The following NRG3 variants were observed in gnomAD, a reference collection of about 807,000 sequenced individuals.
The protein encoded by NRG3 is neuregulin 3.
A neutral mutation model predicts 66.9 loss-of-function variants in NRG3; 31 were observed. The ratio of observed to expected loss-of-function variants is 0.46; its 90% CI spans 0.35 to 0.63. NRG3 has a LOEUF of 0.63. Ranked by LOEUF, NRG3 falls within the 20% of genes least tolerant of loss-of-function variation. NRG3 has a pLI of 0.00. For synonymous variants in NRG3, 393 were observed against 359.4 expected (o/e 1.09, Z -1.06); for missense variants, 910 against 878.9 (o/e 1.04, Z -0.45).
At chr10:82,027,337 G>A (rs79855158) in intron 1 of NRG3, among the ~76,000 whole-genome samples, 272 of 152,182 alleles carry the variant, frequency 1.8e-3, no homozygotes, top group African/African-American at 6.5e-3. Flanking sequence ...GGTGGTAAGT[G>A]AAGCCATCCT....
intron 1 of NRG3, among the ~76,000 whole-genome samples, chr10:82,127,383 A>T (rs2068514913): frequency 6.6e-6 from 1 of 152,024 alleles, no homozygotes; most frequent in Non-Finnish European, 1.5e-5. Flanking sequence ...GCGTTTTAGA[A>T]CGTGGCAAAA....
At chr10:82,865,089 G>A (rs2135945671) in intron 3 of NRG3, among the ~76,000 whole-genome samples, 1 of 152,278 alleles carries the variant, frequency 6.6e-6, no homozygotes, top group Admixed American at 6.5e-5. Flanking sequence ...ATTAGTGCCA[G>A]ATGTTCATGG....
rs140082910 is a variant in NRG3, at chr10:82,666,650, G to A, written c.954-71927G>A. On this transcript the variant is annotated intron_variant, in intron 2 of 8. Coordinates refer to ENST00000372141, the MANE Select transcript of NRG3 (RefSeq NM_001010848.4). ...GAATAATTTCCATTTTGACATTGCC[G>A]TATGGTTAATCCCTTGAATCCTCTT... 3.7e-3 allele frequency among the ~76,000 whole-genome samples: 564 copies of A among 152,130 alleles called. 3 individuals carry two copies. The highest frequency in any genetic ancestry group is 5.1e-3 in the Non-Finnish European group (346 of 68,002).
chr10:82,513,826 A>G (rs1168697926), intron 2 of NRG3, among the ~76,000 whole-genome samples: 1 of 152,172 alleles, frequency 6.6e-6, no homozygotes, highest in Non-Finnish European at 1.5e-5. Flanking sequence ...CTATTTCTCC[A>G]CAGCCTTGCC....
intron 2 of NRG3, among the ~76,000 whole-genome samples, chr10:82,422,368 A>G (rs1394237029): frequency 6.6e-6 from 1 of 152,078 alleles, no homozygotes; most frequent in Non-Finnish European, 1.5e-5. Flanking sequence ...AATATGCACA[A>G]TGACCTTTCA....
intron 1 of NRG3, among the ~76,000 whole-genome samples, chr10:82,006,452 G>T (rs2061379222): frequency 1.3e-5 from 2 of 151,858 alleles, no homozygotes; most frequent in South Asian, 4.1e-4. Flanking sequence ...AAAGGTTTCA[G>T]TATTAATATG....
intron 1 of NRG3, among the ~76,000 whole-genome samples, chr10:81,957,355 G>A (rs1267512509): frequency 2.0e-5 from 3 of 151,870 alleles, no homozygotes; most frequent in Admixed American, 6.6e-5. Flanking sequence ...CCTTTATATT[G>A]GCTACTGCCT....
At chr10:82,143,704 G>C (rs996251609) in intron 1 of NRG3, among the ~76,000 whole-genome samples, 9 of 152,194 alleles carry the variant, frequency 5.9e-5, no homozygotes, top group African/African-American at 2.2e-4. Flanking sequence ...GATAAATTAT[G>C]TTTACCTTAT....
At chr10:82,914,427 T>C (rs1013807826) in intron 4 of NRG3, among the ~76,000 whole-genome samples, 1 of 152,142 alleles carries the variant, frequency 6.6e-6, no homozygotes, top group Non-Finnish European at 1.5e-5. Context: ...TAGTGTGAGT[T>C]TTTAAGTAAG....
At chr10:82,779,567 C>G (rs1565306721) in intron 3 of NRG3, among the ~76,000 whole-genome samples, 1 of 152,128 alleles carries the variant, frequency 6.6e-6, no homozygotes, top group Non-Finnish European at 1.5e-5. Flanking sequence ...AAAACTCTAT[C>G]TTCCTATTGT....
intron 1 of NRG3, among the ~76,000 whole-genome samples, chr10:81,927,030 A>C (rs1376283599): frequency 6.6e-6 from 1 of 152,186 alleles, no homozygotes; most frequent in Non-Finnish European, 1.5e-5. Context: ...AAAACTAACC[A>C]AGGAGATTCT....
intron 1 of NRG3, among the ~76,000 whole-genome samples, chr10:82,132,546 T>TCATATATATATCATATATATATG (rs1564594057): frequency 5.2e-5 from 7 of 134,052 alleles, no homozygotes; most frequent in East Asian, 2.1e-4. Flanking sequence ...GATATATATA[T>TCATATATATATCATATATATATG]ATCTTTGTCT....
chr10:82,111,469 C>T (rs1349288421), intron 1 of NRG3, among the ~76,000 whole-genome samples: 1 of 152,102 alleles, frequency 6.6e-6, no homozygotes, highest in Non-Finnish European at 1.5e-5. Context: ...ATAGCATTTA[C>T]CAGTTAATTA....
chr10:82,443,977 T>A (rs941428093), intron 2 of NRG3, among the ~76,000 whole-genome samples: 8 of 152,222 alleles, frequency 5.3e-5, no homozygotes, highest in African/African-American at 1.9e-4. Context: ...AGCAATAATT[T>A]GCACTTTTCT....
intron 1 of NRG3, among the ~76,000 whole-genome samples, chr10:81,902,686 A>G (rs1014225197): frequency 1.3e-5 from 2 of 152,146 alleles, no homozygotes; most frequent in South Asian, 4.1e-4. Context: ...TCCTGCACTA[A>G]GACACCTGGC....
chr10:82,574,615 G>T (rs775279431), intron 2 of NRG3, among the ~76,000 whole-genome samples: 1 of 151,816 alleles, frequency 6.6e-6, no homozygotes, highest in South Asian at 2.1e-4. Context: ...ATAATGCATT[G>T]TATACATGTA....
At chr10:82,018,677 A>G (rs1007858844) in intron 1 of NRG3, among the ~76,000 whole-genome samples, 1 of 152,068 alleles carries the variant, frequency 6.6e-6, no homozygotes, top group Non-Finnish European at 1.5e-5. Context: ...ATCCCTAGGT[A>G]TTGTATTCTC....
At chr10:81,990,547 A>G (rs2060699187) in intron 1 of NRG3, among the ~76,000 whole-genome samples, 1 of 152,146 alleles carries the variant, frequency 6.6e-6, no homozygotes, top group African/African-American at 2.4e-5. Flanking sequence ...CCATCTAACC[A>G]TAAGATATTG....
At chr10:82,469,196 T>A (rs2132036855) in intron 2 of NRG3, among the ~76,000 whole-genome samples, 1 of 152,314 alleles carries the variant, frequency 6.6e-6, no homozygotes, top group African/African-American at 2.4e-5. Flanking sequence ...CTTCATTCTT[T>A]CCCTCCCCTT....
Sources: allele counts gnomAD v4.1 joint callset (sites outside exome capture counted in the v4.1 genomes callset), GRCh38; gene constraint gnomAD v4.1.1; transcripts MANE v1.5; gene names NCBI Gene and HGNC (gene_info 2026-07-23, HGNC 2026-07-21).